Variants in ZSWIM3 observed in about 807,000 individuals in gnomAD.
ZSWIM3 encodes the protein zinc finger SWIM-type containing 3.
In ZSWIM3, 27 loss-of-function variants were observed where a neutral mutation model predicts 47.5. That is an observed-to-expected ratio of 0.57 (90% CI 0.42 to 0.78). The LOEUF is 0.78. Ranked by LOEUF, ZSWIM3 falls within the 30% of genes least tolerant of loss-of-function variation. The pLI is 0.00. For missense variants in ZSWIM3, 689 were observed against 861.3 expected (o/e 0.80, Z 2.50); for synonymous variants, 333 against 333.9 (o/e 1.00, Z 0.03).
Position 45,878,221 on chromosome 20 carries a change from C to G in ZSWIM3, c.1663C>G (p.Gln555Glu). Residue 555 changes from glutamine (Q) to glutamate (E), a missense_variant, in exon 2 of 2, where the codon CAA becomes GAA. Coordinates refer to ENST00000255152, the MANE Select transcript of ZSWIM3 (RefSeq NM_080752.4). Reference sequence around the variant, plus strand: ...CTGTAGCTGCAGCTGTTCCTTTCAACAATGGTACCACCTGCCATGCCGACA... The same window carrying G: ...CTGTAGCTGCAGCTGTTCCTTTCAAGAATGGTACCACCTGCCATGCCGACA... Reference protein sequence around the residue: ...DGCSCSCSFQQWYHLPCRHIL... With the variant: ...DGCSCSCSFQEWYHLPCRHIL... 1 of 1,614,234 alleles carries G rather than the reference C, an allele frequency of 6.2e-7. No homozygotes were observed. The highest frequency in any genetic ancestry group is 8.5e-7 in the Non-Finnish European group (1 of 1,180,048).
At chr20:45,860,234 G>A (rs372558110) in intron 1 of ZSWIM3, among the ~76,000 whole-genome samples, 13 of 152,086 alleles carry the variant, frequency 8.5e-5, no homozygotes, top group African/African-American at 2.9e-4. Context: ...TCCATTTCCC[G>A]CCGGGTGCAG....
At chr20:45,875,937 A>G (rs994474663) in intron 1 of ZSWIM3, among the ~76,000 whole-genome samples, 42 of 151,908 alleles carry the variant, frequency 2.8e-4, no homozygotes, top group Non-Finnish European at 5.3e-4. Context: ...AGTTCAAGCA[A>G]TCCTCCAGCC....
intron 1 of ZSWIM3, among the ~76,000 whole-genome samples, chr20:45,860,671 C>T (rs1041944400): frequency 2.0e-5 from 3 of 152,146 alleles, no homozygotes; most frequent in African/African-American, 7.2e-5. Flanking sequence ...TCTGTCATCA[C>T]GTCTCTGACT....
At position 45,876,982 on chromosome 20, in the gene ZSWIM3, G is replaced by A. The variant is rs761550121; in HGVS notation, c.424G>A (p.Glu142Lys). 5.6e-6 allele frequency: 9 copies of A among 1,614,056 alleles called. No homozygotes were observed. The highest frequency in any genetic ancestry group is 2.2e-5 in the East Asian group (1 of 44,880). The change falls in exon 2 of 2, where the codon GAG becomes AAG. Residue 142 changes from glutamate (E) to lysine (K), a missense_variant. By Grantham distance (56) the Glu-to-Lys change is moderately conservative (BLOSUM62 1). Transcript: ENST00000255152. ...AACCAAAAAAGACCTTGACACTGCC[G>A]AGAAGTCCCTGGTTGAGCCATCGTT... ...PTTKKDLDTAEKSLVEPSFCL... is the reference protein window; with the variant it reads ...PTTKKDLDTAKKSLVEPSFCL...
chr20:45,870,567 T>C (rs965335529), intron 1 of ZSWIM3, among the ~76,000 whole-genome samples: 2 of 152,250 alleles, frequency 1.3e-5, no homozygotes, highest in Admixed American at 6.5e-5. Flanking sequence ...GCTTTTTAAA[T>C]TAATTCACTT....
In ZSWIM3 at chr20:45,876,698, C is replaced by G. The variant is rs1276930166; in HGVS notation, c.156-16C>G. On this transcript the variant is annotated splice_polypyrimidine_tract_variant and intron_variant, in intron 1 of 1. Transcript: ENST00000255152. ...GTGGTCAGCACCTTTCTCATTGTTA[C>G]CTCTACCTTCCCTAGGTATGTGCAG... 6.2e-7 allele frequency: 1 copy of G among 1,600,352 alleles called. No individual in the cohort carries two copies. Among genetic ancestry groups the G allele is most frequent in the Non-Finnish European group, 8.5e-7 (1 of 1,173,108 alleles).
In ZSWIM3 at chr20:45,878,056, C is replaced by G; in HGVS notation, c.1498C>G (p.Gln500Glu). 1 of 1,614,166 alleles carries G rather than the reference C, an allele frequency of 6.2e-7. No individual in the cohort carries two copies. ...GGTTGGCATGCTGGACACCTTGCAC[C>G]AGAGTGGCTCTGAACTAGCCTACAA... ...SQVGMLDTLH[Q>E]SGSELAYKLC... The change falls in exon 2 of 2, where the codon CAG becomes GAG. Residue 500 changes from glutamine (Q) to glutamate (E), a missense_variant. Transcript: ENST00000255152.
intron 1 of ZSWIM3, among the ~76,000 whole-genome samples, chr20:45,874,315 C>G (rs1435802552): frequency 1.3e-5 from 2 of 152,180 alleles, no homozygotes; most frequent in Non-Finnish European, 2.9e-5. Context: ...GGTTCGAGAC[C>G]AGCCTGGCCG....
chr20:45,872,538 G>A (rs1332181610), intron 1 of ZSWIM3: 4 of 380,244 alleles, frequency 1.1e-5, no homozygotes, highest in African/African-American at 4.2e-5. Flanking sequence ...ATGGGTGCAC[G>A]TAGTCCTGAA....
intron 1 of ZSWIM3, among the ~76,000 whole-genome samples, chr20:45,873,019 T>C (rs537399135): frequency 1.3e-5 from 2 of 152,146 alleles, no homozygotes; most frequent in African/African-American, 2.4e-5. Flanking sequence ...CCCCTGGTCT[T>C]TGGGCTGGGG....
intron 1 of ZSWIM3, among the ~76,000 whole-genome samples, chr20:45,867,059 T>G (rs535381348): frequency 7.1e-6 from 1 of 140,616 alleles, no homozygotes; most frequent in South Asian, 2.3e-4. Context: ...CAGGCTGGAG[T>G]GCAGTGACGC....
At chr20:45,863,855 A>G (rs892376185) in intron 1 of ZSWIM3, among the ~76,000 whole-genome samples, 1 of 152,088 alleles carries the variant, frequency 6.6e-6, no homozygotes, top group Admixed American at 6.6e-5. Context: ...AAAATTAGCC[A>G]GGCATGGTGG....
intron 1 of ZSWIM3, 49 bp from the exon 2 acceptor site, chr20:45,876,665 G>T: frequency 6.4e-7 from 1 of 1,571,654 alleles, no homozygotes; most frequent in Non-Finnish European, 8.6e-7. Context: ...CTTTATAAGG[G>T]GTGGGGGGTG....
At chr20:45,866,843 C>G (rs1455554320) in intron 1 of ZSWIM3, among the ~76,000 whole-genome samples, 1 of 138,480 alleles carries the variant, frequency 7.2e-6, no homozygotes, top group Non-Finnish European at 1.6e-5. Flanking sequence ...GCTCGTAGCA[C>G]CTAAAACAGT....
chr20:45,864,468 C>G (rs181651321), intron 1 of ZSWIM3, among the ~76,000 whole-genome samples: 1 of 152,094 alleles, frequency 6.6e-6, no homozygotes, highest in Non-Finnish European at 1.5e-5. Flanking sequence ...CAGCCAAATA[C>G]ACATATTACT....
Sources: gnomAD v4.1 joint callset for allele counts (sites outside exome capture counted in the v4.1 genomes callset) on GRCh38, gnomAD v4.1.1 for gene constraint, MANE v1.5 for transcripts, NCBI Gene and HGNC (gene_info 2026-07-23, HGNC 2026-07-21) for gene names.